Variants in NRBP1 observed in about 807,000 individuals in gnomAD.
The protein encoded by NRBP1 is nuclear receptor binding protein 1.
Under a neutral mutation model 76.0 loss-of-function variants are expected in NRBP1, and 10 were observed. That is an observed-to-expected ratio of 0.13 (90% CI 0.08 to 0.22). The LOEUF (loss-of-function observed/expected upper bound fraction) is 0.22, where lower values mean the gene tolerates loss of function less well. NRBP1 is among the 10% of genes least tolerant of loss of function. NRBP1 has a pLI of 1.00. For missense variants in NRBP1, 344 were observed against 646.0 expected (o/e 0.53, Z 5.07); for synonymous variants, 235 against 240.2 (o/e 0.98, Z 0.20).
intron 16 of NRBP1, 70 bp downstream of exon 16, chr2:27,441,400 T>G: frequency 6.7e-7 from 1 of 1,483,736 alleles, no homozygotes; most frequent in Non-Finnish European, 9.4e-7. Context: ...TATTCAGGGG[T>G]GGGGGAGGTG....
chr2:27,428,289 A>C, upstream of NRBP1: 1 of 178,312 alleles, frequency 5.6e-6, no homozygotes. Context: ...GACTGAGGCT[A>C]TGTCTTTCGC....
At chr2:27,434,633 G>A (rs1345325774) in intron 5 of NRBP1, 73 bp downstream of exon 5, 5 of 1,592,398 alleles carry the variant, frequency 3.1e-6, no homozygotes, top group Non-Finnish European at 4.3e-6. Context: ...TGTTAATAAT[G>A]AAGCTGATCA....
chr2:27,441,373 C>T, intron 16 of NRBP1, 43 bp downstream of exon 16: 1 of 1,557,546 alleles, frequency 6.4e-7, no homozygotes, highest in South Asian at 1.1e-5. Flanking sequence ...GTCTATGAGC[C>T]TTATCTTTTA....
chr2:27,438,208 T>C (rs1382636115), intron 10 of NRBP1, among the ~76,000 whole-genome samples: 2 of 149,696 alleles, frequency 1.3e-5, no homozygotes, highest in Non-Finnish European at 3.0e-5. Flanking sequence ...TTAATTTGAA[T>C]GTGTCTACAT....
chr2:27,436,551 A>G, intron 7 of NRBP1: 1 of 567,540 alleles, frequency 1.8e-6, no homozygotes, highest in Non-Finnish European at 3.2e-6. Context: ...TTAGATGAGA[A>G]GCAGTAGGCC....
intron 1 of NRBP1, chr2:27,432,121 T>A (rs1664137424): frequency 6.6e-6 from 1 of 152,302 alleles, no homozygotes; most frequent in African/African-American, 2.4e-5. Flanking sequence ...AGTGTTGGGA[T>A]TAAAGGCGTG....
intron 14 of NRBP1, 48 bp from the exon 15 acceptor site, chr2:27,441,079 G>T (rs1664529136): frequency 6.2e-7 from 1 of 1,611,188 alleles, no homozygotes; most frequent in African/African-American, 1.3e-5. Context: ...CTAGGTATTG[G>T]GTTTTTTATG....
rs1288370092 is a variant in NRBP1, at chr2:27,428,652, T to C, written c.-100T>C. 5 of 397,702 alleles carry C rather than the reference T, an allele frequency of 1.3e-5. No homozygotes were observed. The highest frequency in any genetic ancestry group is 1.8e-5 in the Non-Finnish European group (4 of 225,580). 24.6% of individuals were successfully genotyped at this position (397,702 alleles called of 1,614,324 possible). A position where few individuals can be genotyped will look rare whatever the true frequency, so the allele number is the denominator to read the frequency against. ...GTTCGGTTGCGCTGCGGAGCGCAGC[T>C]GTGAGGGAGTCGCTGTGATCCGGGG... On this transcript the variant is annotated 5_prime_UTR_variant, in exon 1 of 18. Transcript: ENST00000379852.
At chr2:27,435,792 CTGCTCCCTT>C in intron 7 of NRBP1, 1 of 717,582 alleles carries the variant, frequency 1.4e-6, no homozygotes, top group Non-Finnish European at 2.6e-6. Flanking sequence ...TGTGCTCCCT[CTGCTCCCTT>C]GGCGGCTGCC....
At chr2:27,428,460 A>G (rs1239892708), upstream of NRBP1, 7 of 391,536 alleles carry the variant, frequency 1.8e-5, no homozygotes, top group African/African-American at 1.2e-4. Context: ...GACCCCTCCG[A>G]GAGGTCTCGG....
At chr2:27,436,680 T>G (rs1664319904) in intron 7 of NRBP1, 73 bp from the exon 8 acceptor site, 2 of 1,368,586 alleles carry the variant, frequency 1.5e-6, no homozygotes, top group East Asian at 2.3e-5. Context: ...ATTTGGCTTT[T>G]GGGGCCTCTC....
In NRBP1 at chr2:27,442,003, T is replaced by G. The variant is rs941944794; in HGVS notation, c.*191T>G. 4 of 575,152 alleles carry G rather than the reference T, an allele frequency of 7.0e-6. No homozygotes were observed. The highest frequency in any genetic ancestry group is 1.2e-5 in the Non-Finnish European group (4 of 325,372). 35.6% of individuals were successfully genotyped at this position (575,152 alleles called of 1,614,324 possible). A position where few individuals can be genotyped will look rare whatever the true frequency, so the allele number is the denominator to read the frequency against. On this transcript the variant is annotated 3_prime_UTR_variant, in exon 18 of 18. Transcript: ENST00000379852. Reference sequence around the variant, plus strand: ...TCCCCTCTCTTCCTCCCCTCTGCACTTTGTTTACTTGTTTTGCACAGACGT... The same window carrying G: ...TCCCCTCTCTTCCTCCCCTCTGCACGTTGTTTACTTGTTTTGCACAGACGT...
chr2:27,428,360 CCT>C (rs1425501009), upstream of NRBP1: 2 of 315,786 alleles, frequency 6.3e-6, no homozygotes, highest in Non-Finnish European at 1.1e-5. Flanking sequence ...GGTAGGAGGC[CCT>C]CTCTGCGTCC....
chr2:27,433,340 T>C lies in NRBP1; in HGVS notation c.67T>C (p.Ser23Pro). The change falls in exon 2 of 18, where the codon TCA (serine) becomes CCA (proline). Residue 23 changes from serine (S) to proline (P), a missense_variant. Ser to Pro is a moderately conservative substitution (Grantham distance 74, BLOSUM62 -1). This residue lies in a region of NRBP1 where 53 missense variants were observed against 48.4 expected (regional missense o/e 1.09). Coordinates refer to ENST00000379852, the MANE Select transcript of NRBP1 (RefSeq NM_013392.4). ...GSDPKVESSS[S>P]APGLTSVSPP... ...AGACCCAAAGGTAGAATCCTCATCTTCAGCTCCTGGCCTGACATCAGTGTC... is the reference window on the plus strand; with the variant it reads ...AGACCCAAAGGTAGAATCCTCATCTCCAGCTCCTGGCCTGACATCAGTGTC... The C allele has an allele frequency of 6.2e-7, 1 of 1,614,242 alleles. No homozygotes were observed. Among genetic ancestry groups the C allele is most frequent in the Non-Finnish European group, 8.5e-7 (1 of 1,180,040 alleles).
At position 27,442,176 on chromosome 2, in the gene NRBP1, A is replaced by G. The variant is rs1470621641; in HGVS notation, c.*364A>G. The stretch of plus-strand genomic sequence containing the variant: ...GCTGGGGCGGCCGGGGCGGGAGAGA[A>G]AGGTGGTGCTGCAGTGGTGGCCCTG... On this transcript the variant is annotated 3_prime_UTR_variant, in exon 18 of 18. Coordinates refer to ENST00000379852, the MANE Select transcript of NRBP1 (RefSeq NM_013392.4). 7.6e-6 allele frequency: 4 copies of G among 529,466 alleles called. No individual in the cohort carries two copies. The highest frequency in any genetic ancestry group is 1.3e-5 in the Non-Finnish European group (4 of 303,484). 32.8% of individuals were successfully genotyped at this position (529,466 alleles called of 1,614,324 possible). A position where few individuals can be genotyped will look rare whatever the true frequency, so the allele number is the denominator to read the frequency against.
chr2:27,435,042 CAGG>C (rs2148448263), intron 6 of NRBP1, 88 bp from the exon 7 acceptor site: 1 of 747,142 alleles, frequency 1.3e-6, no homozygotes, highest in East Asian at 2.5e-5. Context: ...TGGTGACCAG[CAGG>C]AGACCTGGCC....
At chr2:27,439,995 CTTTTTTTT>C (rs70953859) in intron 11 of NRBP1, 97 bp downstream of exon 11, 15 of 459,750 alleles carry the variant, frequency 3.3e-5, no homozygotes, top group Non-Finnish European at 4.2e-5. Context: ...CAAAGGGATT[CTTTTTTTT>C]TTTTTTTTTT....
chr2:27,433,959 C>G, intron 3 of NRBP1, 30 bp from the exon 4 acceptor site: 5 of 1,592,252 alleles, frequency 3.1e-6, no homozygotes, highest in Non-Finnish European at 4.3e-6. Flanking sequence ...ATTTGTGACT[C>G]TGTTATTCCA....
In NRBP1 at chr2:27,441,942, G is replaced by C. The variant is rs976150273; in HGVS notation, c.*130G>C. On this transcript the variant is annotated 3_prime_UTR_variant, in exon 18 of 18. Transcript: ENST00000379852. ...CCTCCTTTATTATTCAGGAGGGCTG[G>C]GGGGGCTCCCTGGTTCTGAGCATCA... is the stretch of plus-strand genomic sequence containing the variant. 1 of 656,806 alleles carries C rather than the reference G, an allele frequency of 1.5e-6. No individual in the cohort carries two copies. The highest frequency in any genetic ancestry group is 1.8e-5 in the African/African-American group (1 of 55,376). 40.7% of individuals were successfully genotyped at this position (656,806 alleles called of 1,614,324 possible).
Sources: allele counts gnomAD v4.1 joint callset (sites outside exome capture counted in the v4.1 genomes callset), GRCh38; gene constraint gnomAD v4.1.1; regional missense constraint gnomAD v4.1.1; transcripts MANE v1.5; gene names NCBI Gene and HGNC (gene_info 2026-07-23, HGNC 2026-07-21).